ME1: variants seen among roughly 807,000 people sequenced by gnomAD.
ME1 encodes malic enzyme 1, also known as NADP-dependent malic enzyme.
Under a neutral mutation model 66.4 loss-of-function variants are expected in ME1, and 74 were observed. The observed-to-expected ratio is 1.11, with a 90% CI of 0.92 to 1.35. ME1 has a LOEUF of 1.35. Among genes scored for constraint, ME1 ranks in the 40% most tolerant of loss-of-function variants. The pLI is 0.00. For synonymous variants in ME1, 251 were observed against 235.6 expected (o/e 1.07, Z -0.60); for missense variants, 750 against 694.1 (o/e 1.08, Z -0.90).
intron 7 of ME1, among the ~76,000 whole-genome samples, chr6:83,243,744 A>C (rs1377492439): frequency 6.1e-5 from 8 of 132,110 alleles, no homozygotes; most frequent in African/African-American, 2.3e-4. Flanking sequence ...ATATAATTAT[A>C]TTATATTATA....
At chr6:83,245,406 C>T (rs1371092516) in intron 7 of ME1, among the ~76,000 whole-genome samples, 1 of 125,678 alleles carries the variant, frequency 8.0e-6, no homozygotes, top group Non-Finnish European at 1.7e-5. Flanking sequence ...ATTAGTGAGG[C>T]AAAATAATTT....
intron 6 of ME1, among the ~76,000 whole-genome samples, chr6:83,310,967 T>C (rs765058327): frequency 2.0e-5 from 3 of 152,150 alleles, no homozygotes; most frequent in Non-Finnish European, 4.4e-5. Flanking sequence ...ATTTGCCACA[T>C]GGAATGGGAT....
intron 6 of ME1, among the ~76,000 whole-genome samples, chr6:83,305,018 T>C (rs1459288060): frequency 6.6e-6 from 1 of 152,202 alleles, no homozygotes; most frequent in Non-Finnish European, 1.5e-5. Flanking sequence ...TTACTTACCA[T>C]GTGCTGATGG....
At chr6:83,376,349 G>T (rs1769288493) in intron 3 of ME1, among the ~76,000 whole-genome samples, 1 of 152,044 alleles carries the variant, frequency 6.6e-6, no homozygotes, top group African/African-American at 2.4e-5. Context: ...TGCAAAATTA[G>T]CTAGGTGTGG....
chr6:83,404,211 G>C (rs555735728), intron 2 of ME1, among the ~76,000 whole-genome samples: 1 of 152,244 alleles, frequency 6.6e-6, no homozygotes, highest in South Asian at 2.1e-4. Context: ...AGTGGTGTCA[G>C]ATGGTATTTC....
intron 3 of ME1, among the ~76,000 whole-genome samples, chr6:83,352,675 C>G (rs531600189): frequency 6.6e-6 from 1 of 152,238 alleles, no homozygotes; most frequent in South Asian, 2.1e-4. Context: ...ATCTTAGTTG[C>G]CGTTTGCAAC....
At chr6:83,221,442 C>T (rs139641756) in intron 12 of ME1, among the ~76,000 whole-genome samples, 4 of 152,226 alleles carry the variant, frequency 2.6e-5, no homozygotes, top group Admixed American at 1.3e-4. Context: ...GTTACACAGG[C>T]ATACATATGC....
At chr6:83,341,307 T>C (rs1337957998) in intron 5 of ME1, among the ~76,000 whole-genome samples, 3 of 152,206 alleles carry the variant, frequency 2.0e-5, no homozygotes, top group South Asian at 4.1e-4. Flanking sequence ...TCTCTTCTTT[T>C]GTGAGATTTT....
At chr6:83,293,342 G>A (rs922301111) in intron 6 of ME1, among the ~76,000 whole-genome samples, 6 of 152,060 alleles carry the variant, frequency 3.9e-5, no homozygotes, top group Non-Finnish European at 7.3e-5. Context: ...TCACAGCATC[G>A]TACAATGGAT....
At chr6:83,373,366 G>A (rs1456332968) in intron 3 of ME1, among the ~76,000 whole-genome samples, 2 of 152,032 alleles carry the variant, frequency 1.3e-5, no homozygotes, top group African/African-American at 4.8e-5. Flanking sequence ...CTCCCCAGTA[G>A]CTGGGACTAC....
At chr6:83,400,271 C>G (rs906193391) in intron 2 of ME1, among the ~76,000 whole-genome samples, 1 of 152,132 alleles carries the variant, frequency 6.6e-6, no homozygotes, top group African/African-American at 2.4e-5. Context: ...GTGATGAGTT[C>G]TTGCTCTGAG....
At chr6:83,396,930 C>T (rs1769743703) in intron 3 of ME1, among the ~76,000 whole-genome samples, 1 of 151,864 alleles carries the variant, frequency 6.6e-6, no homozygotes, top group South Asian at 2.1e-4. Context: ...AACTGGTTTT[C>T]CAAATGCCAG....
At chr6:83,250,797 C>G (rs1244931619) in intron 7 of ME1, among the ~76,000 whole-genome samples, 1 of 152,218 alleles carries the variant, frequency 6.6e-6, no homozygotes, top group African/African-American at 2.4e-5. Flanking sequence ...CACTCACCAA[C>G]TCTTTCATGT....
At chr6:83,362,522 C>T (rs1371325746) in intron 3 of ME1, among the ~76,000 whole-genome samples, 1 of 152,192 alleles carries the variant, frequency 6.6e-6, no homozygotes, top group African/African-American at 2.4e-5. Flanking sequence ...TACGTATGGG[C>T]TCAGCAACAT....
intron 4 of ME1, among the ~76,000 whole-genome samples, chr6:83,349,584 T>C (rs976019141): frequency 1.3e-5 from 2 of 152,236 alleles, no homozygotes; most frequent in Non-Finnish European, 2.9e-5. Flanking sequence ...TCCCTTCATT[T>C]AATTTCCCAA....
At chr6:83,266,162 G>A (rs909499846) in intron 6 of ME1, among the ~76,000 whole-genome samples, 1 of 152,012 alleles carries the variant, frequency 6.6e-6, no homozygotes, top group Non-Finnish European at 1.5e-5. Context: ...TCAGATCTTC[G>A]TTTTTAAAAA....
intron 6 of ME1, among the ~76,000 whole-genome samples, chr6:83,260,579 C>T (rs1475058786): frequency 6.6e-6 from 1 of 152,130 alleles, no homozygotes; most frequent in Non-Finnish European, 1.5e-5. Context: ...TCTGATCCTC[C>T]ACCCTCTGGG....
chr6:83,423,394 AAC>A (rs139727675), intron 1 of ME1, among the ~76,000 whole-genome samples: 6,483 of 152,244 alleles, frequency 0.043, 457 homozygotes, highest in African/African-American at 0.15. Context: ...CCCCAAAACA[AAC>A]ACAGAACATG....
chr6:83,327,448 C>T (rs1768318302), intron 5 of ME1, among the ~76,000 whole-genome samples: 1 of 152,148 alleles, frequency 6.6e-6, no homozygotes, highest in Non-Finnish European at 1.5e-5. Flanking sequence ...AGGGGTAGGT[C>T]TCTGAACTGG....
Sources: allele counts gnomAD v4.1 joint callset (sites outside exome capture counted in the v4.1 genomes callset), GRCh38; gene constraint gnomAD v4.1.1; transcripts MANE v1.5; gene names NCBI Gene and HGNC (gene_info 2026-07-23, HGNC 2026-07-21).